The following KLHL33 variants were observed in gnomAD, a reference collection of about 807,000 sequenced individuals.
KLHL33 encodes kelch-like protein 33.
KLHL33 carries 46 observed loss-of-function variants against 60.8 expected under a neutral mutation model. The ratio of observed to expected loss-of-function variants is 0.76; its 90% confidence interval spans 0.60 to 0.97. The LOEUF (loss-of-function observed/expected upper bound fraction) is 0.97. Ranked by LOEUF, KLHL33 falls within the 50% of genes least tolerant of loss-of-function variation. The pLI is 0.00. For synonymous variants in KLHL33, 434 were observed against 432.2 expected, an observed-to-expected ratio of 1.00 and a Z score of -0.05; for missense variants, 1,055 against 1,000.0, an observed-to-expected ratio of 1.05 and a Z score of -0.74.
chr14:20,432,273 C>G (rs1293116850), intron 2 of KLHL33, among the ~76,000 whole-genome samples: 1 of 152,002 alleles, frequency 6.6e-6, no homozygotes, highest in Non-Finnish European at 1.5e-5. Context: ...CGCTACCATG[C>G]CTGGCTAATT....
chr14:20,429,899 G>T lies in KLHL33; in HGVS notation c.1569C>A (p.Pro523=). 1 of 1,551,834 alleles carries T rather than the reference G, an allele frequency of 6.4e-7. No individual in the cohort carries two copies. Among genetic ancestry groups the T allele is most frequent in the Non-Finnish European group, 8.7e-7 (1 of 1,147,040 alleles). Reference sequence around the variant, plus strand: ...TTGCAGCCCCATGCCGGAAGCGTCCGGGGGCAGGCAGGGCAGGCAGCTGCC... The same window carrying T: ...TTGCAGCCCCATGCCGGAAGCGTCCTGGGGCAGGCAGGGCAGGCAGCTGCC... ...EWGQLPALPA[P]GRFRHGAASL... Residue 523 remains proline, a synonymous_variant, in exon 3 of 5, where the codon CCC becomes CCA. Coordinates refer to ENST00000636854, the MANE Select transcript of KLHL33 (RefSeq NM_001365790.2).
chr14:20,432,362 C>T (rs1880533824), intron 2 of KLHL33, among the ~76,000 whole-genome samples: 1 of 151,926 alleles, frequency 6.6e-6, no homozygotes, highest in South Asian at 2.1e-4. Context: ...ATCTGCCTGC[C>T]TCGGCCTCCC....
rs1037119585 is a variant in KLHL33, at chr14:20,429,536, C to A, written c.1807G>T (p.Val603Leu). The A allele has an allele frequency of 6.4e-7, 1 of 1,552,278 alleles. No homozygotes were observed. ...TTGAGCTCAGGGTTGTAGGTCTCCACAGAGTCCAGGGCAACATCATTGTGT... is the reference window on the plus strand; with the variant it reads ...TTGAGCTCAGGGTTGTAGGTCTCCAAAGAGTCCAGGGCAACATCATTGTGT... The part of the protein sequence containing the change: ...GRHNDVALDS[V>L]ETYNPELNVW... The change falls in exon 4 of 5, where the codon GTG (valine) becomes TTG (leucine). Residue 603 changes from valine (V) to leucine (L), a missense_variant. Transcript: ENST00000636854.
chr14:20,433,868 T>G (rs1880598787), intron 2 of KLHL33, among the ~76,000 whole-genome samples: 1 of 152,224 alleles, frequency 6.6e-6, no homozygotes, highest in African/African-American at 2.4e-5. Flanking sequence ...TAATGGGCAG[T>G]AGCTATGTGA....
rs1444352941 is a variant in KLHL33 at position 20,435,235 on chromosome 14, C to T, written c.577G>A (p.Val193Met). ...CATGTCTGCTGGGCAGCAGCCTTCACCCGGGGCGCTCCCAGCGCCTCTGCT... is the reference window on the plus strand; with the variant it reads ...CATGTCTGCTGGGCAGCAGCCTTCATCCGGGGCGCTCCCAGCGCCTCTGCT... ...AAAEALGAPR[V>M]KAAAQQTCER... The change falls in exon 2 of 5, where the codon GTG becomes ATG. Residue 193 changes from valine (V) to methionine (M), a missense_variant. Transcript: ENST00000636854. 1 of 1,234,328 alleles carries T rather than the reference C, an allele frequency of 8.1e-7. No homozygotes were observed. The highest frequency in any genetic ancestry group is 1.0e-6 in the Non-Finnish European group (1 of 988,224). 76.5% of individuals were successfully genotyped at this position (1,234,328 alleles called of 1,614,324 possible). A position where few individuals can be genotyped will look rare whatever the true frequency, so the allele number is the denominator to read the frequency against.
In KLHL33 at chr14:20,435,606, G is replaced by C. The variant is rs1880668532; in HGVS notation, c.206C>G (p.Ala69Gly). The C allele has an allele frequency of 3.2e-6, 4 of 1,234,716 alleles. No homozygotes were observed. The East Asian group carries it at 1.3e-4, about 39-fold the overall frequency. The allele number at this position is 1,234,716 out of a possible 1,614,324, so 76.5% of individuals were successfully genotyped here. A position where few individuals can be genotyped will look rare whatever the true frequency, so the allele number is the denominator to read the frequency against. The change falls in exon 2 of 5, where the codon GCC becomes GGC. Residue 69 changes from alanine to glycine, a missense_variant. Ala to Gly is a moderately conservative substitution (Grantham distance 60). Coordinates refer to ENST00000636854, the MANE Select transcript of KLHL33 (RefSeq NM_001365790.2). Reference sequence around the variant, plus strand: ...TTCCTCTTCTTCCTCTAGGGACAAGGCTGGAAAGGGAAGGTTCCTTGGGAC... The same window carrying C: ...TTCCTCTTCTTCCTCTAGGGACAAGCCTGGAAAGGGAAGGTTCCTTGGGAC... ...PLVPRNLPFP[A>G]LSLEEEEEEE...
intron 2 of KLHL33, 114 bp from the exon 3 acceptor site, chr14:20,430,833 A>C (rs972266444): frequency 1.7e-6 from 1 of 583,484 alleles, no homozygotes; most frequent in Non-Finnish European, 2.9e-6. Context: ...CCTCCAAGCC[A>C]CCCACTGCTA....
rs1002948496 is a variant in KLHL33, at chr14:20,427,096, A to G, written c.*1753T>C. On this transcript the variant is annotated 3_prime_UTR_variant, in exon 5 of 5. Coordinates refer to ENST00000636854, the MANE Select transcript of KLHL33 (RefSeq NM_001365790.2). ...ATACCTAATGCTAAATGACGAGTTA[A>G]TGGGTGCAGCACACCAGCATGGCAC... is the stretch of plus-strand genomic sequence containing the variant. 1 of 150,958 alleles carries G rather than the reference A, an allele frequency of 6.6e-6. No homozygotes were observed. Among genetic ancestry groups the G allele is most frequent in the Non-Finnish European group, 1.5e-5 (1 of 67,768 alleles). The allele number at this position is 150,958 out of a possible 1,614,324, so 9.4% of individuals were successfully genotyped here. A position where few individuals can be genotyped will look rare whatever the true frequency, so the allele number is the denominator to read the frequency against.
rs967657685 is a variant in KLHL33 at position 20,436,143 on chromosome 14, C to A, written c.-64G>T. On this transcript the variant is annotated 5_prime_UTR_variant, in exon 1 of 5. Coordinates refer to ENST00000636854, the MANE Select transcript of KLHL33 (RefSeq NM_001365790.2). ...TCCGCTTGCCCTCTCACTTAAGCGC[C>A]CGCTGTGCTTGGGGCTGCGTGGCAG... 1 of 193,518 alleles carries A rather than the reference C, an allele frequency of 5.2e-6. No individual in the cohort carries two copies. The highest frequency in any genetic ancestry group is 2.3e-5 in the African/African-American group (1 of 43,114). The allele number at this position is 193,518 out of a possible 1,614,324, so 12.0% of individuals were successfully genotyped here.
In KLHL33 at chr14:20,428,945, C is replaced by T. The variant is rs945030460; in HGVS notation, c.2298G>A (p.Arg766=). 9 of 1,551,510 alleles carry T rather than the reference C, an allele frequency of 5.8e-6. No homozygotes were observed. The East Asian group carries it at 1.7e-4, about 29-fold the overall frequency. Residue 766 remains arginine, a synonymous_variant, in exon 5 of 5, where the codon AGG becomes AGA. Coordinates refer to ENST00000636854, the MANE Select transcript of KLHL33 (RefSeq NM_001365790.2). ...TGCAGGCAGGCATCTCAGCCCGAGGCCTTGGCAGAGTTCCCAGGCAGAGCC... is the reference window on the plus strand; with the variant it reads ...TGCAGGCAGGCATCTCAGCCCGAGGTCTTGGCAGAGTTCCCAGGCAGAGCC... ...GRWLCLGTLP[R]PRAEMPACIL... is the part of the protein sequence containing the mutation.
chr14:20,433,472 A>G (rs1880587281), intron 2 of KLHL33, among the ~76,000 whole-genome samples: 1 of 152,240 alleles, frequency 6.6e-6, no homozygotes. Flanking sequence ...AGTAGTAAAC[A>G]TCAATGACAG....
intron 2 of KLHL33, among the ~76,000 whole-genome samples, chr14:20,434,542 G>GA (rs5807035): frequency 1.2e-3 from 166 of 141,888 alleles, no homozygotes; most frequent in East Asian, 5.7e-3. Flanking sequence ...TGCTGTCTCA[G>GA]AAAAAAAAAA....
Position 20,429,900 on chromosome 14 carries a change from G to GGGGCAGGCA in KLHL33, c.1559_1567dup (p.Leu520_Ala522dup), listed in dbSNP as rs1269165624. ...TGCAGCCCCATGCCGGAAGCGTCCG[G>GGGGCAGGCA]GGGCAGGCAGGGCAGGCAGCTGCCC... On this transcript the variant is annotated inframe_insertion, in exon 3 of 5. Transcript: ENST00000636854. 3 of 1,551,846 alleles carry GGGGCAGGCA rather than the reference G, an allele frequency of 1.9e-6. No individual in the cohort carries two copies. In the South Asian group the frequency reaches 3.6e-5, roughly 18 times the overall value.
Position 20,429,420 on chromosome 14 carries a change from C to A in KLHL33, c.1842-19G>T, listed in dbSNP as rs1214330606. On this transcript the variant is annotated intron_variant, in intron 4 of 4. Transcript: ENST00000636854. The stretch of plus-strand genomic sequence containing the variant: ...TGCTGGCCTAAGGGAGAACAGGACA[C>A]AAGATAAGGCAACTAGCATCTTCAA... 1.5e-5 allele frequency: 23 copies of A among 1,550,086 alleles called. No homozygotes were observed. Among genetic ancestry groups the A allele is most frequent in the Non-Finnish European group, 1.9e-5 (22 of 1,145,728 alleles).
chr14:20,432,788 G>T (rs1162136526), intron 2 of KLHL33, among the ~76,000 whole-genome samples: 2 of 151,964 alleles, frequency 1.3e-5, no homozygotes, highest in Non-Finnish European at 2.9e-5. Flanking sequence ...TGGGTGTGGT[G>T]GTGCACGCCT....
At chr14:20,433,780 A>G (rs1357669655) in intron 2 of KLHL33, among the ~76,000 whole-genome samples, 5 of 152,228 alleles carry the variant, frequency 3.3e-5, no homozygotes, top group African/African-American at 9.6e-5. Flanking sequence ...ATCTAGTGCT[A>G]TCATAAATGA....
In KLHL33 at chr14:20,427,218, GAA is replaced by G. The variant is rs1880314367; in HGVS notation, c.*1629_*1630del. Reference sequence around the variant, plus strand: ...ATAAAATAAATTAAAAAAAAAAAAAGAAAAAGAAAATTGACCTAAACACACAC... The same window carrying G: ...ATAAAATAAATTAAAAAAAAAAAAAGAAAGAAAATTGACCTAAACACACAC... On this transcript the variant is annotated 3_prime_UTR_variant, in exon 5 of 5. Transcript: ENST00000636854. 6.9e-6 allele frequency: 1 copy of G among 145,658 alleles called. No individual in the cohort carries two copies. Among genetic ancestry groups the G allele is most frequent in the South Asian group, 2.2e-4 (1 of 4,612 alleles). The allele number at this position is 145,658 out of a possible 1,614,324, so 9.0% of individuals were successfully genotyped here. A position where few individuals can be genotyped will look rare whatever the true frequency, so the allele number is the denominator to read the frequency against.
In KLHL33 at chr14:20,429,069, G is replaced by C. The variant is rs1324506704; in HGVS notation, c.2174C>G (p.Ala725Gly). The change falls in exon 5 of 5, where the codon GCT becomes GGT. Residue 725 changes from alanine (A) to glycine (G), a missense_variant. Ala to Gly is a moderately conservative substitution (Grantham distance 60). Coordinates refer to ENST00000636854, the MANE Select transcript of KLHL33 (RefSeq NM_001365790.2). ...CACCAGTAGCTCCCCCTGCAGCACA[G>C]CACTTGCAGCCCCCACATGGGGGGA... ...LPSPHVGAAS[A>G]VLQGELLVLG... 1 of 1,551,636 alleles carries C rather than the reference G, an allele frequency of 6.4e-7. No homozygotes were observed. Among genetic ancestry groups the C allele is most frequent in the South Asian group, 1.2e-5 (1 of 84,072 alleles).
In KLHL33 at chr14:20,430,702, C is replaced by T; in HGVS notation, c.766G>A (p.Ala256Thr). Residue 256 changes from alanine to threonine, a missense_variant, in exon 3 of 5, where the codon GCC (alanine) becomes ACC (threonine). Physicochemically the swap from Ala to Thr is moderately conservative, Grantham distance 58 (BLOSUM62 0). Transcript: ENST00000636854. ...GCCCCAAAGAACTCACTGCCACAGG[C>T]CAGGGCGGCTCGGTGCACTGCAGGA... ...CQLSVHRAAL[A>T]CGSEFFGAML... The T allele has an allele frequency of 6.6e-7, 1 of 1,524,664 alleles. No homozygotes were observed. 94.4% of individuals were successfully genotyped at this position (1,524,664 alleles called of 1,614,324 possible).
Sources: allele counts gnomAD v4.1 joint callset (sites outside exome capture counted in the v4.1 genomes callset), GRCh38; gene constraint gnomAD v4.1.1; transcripts MANE v1.5; gene names NCBI Gene and HGNC (gene_info 2026-07-23, HGNC 2026-07-21).